DPP10: variants seen among roughly 807,000 people sequenced by gnomAD.
DPP10 encodes the protein dipeptidyl peptidase like 10, also known as inactive dipeptidyl peptidase 10.
In DPP10, 33 loss-of-function variants were observed where a neutral mutation model predicts 120.9. That is an observed-to-expected ratio of 0.27 (90% confidence interval 0.21 to 0.37). DPP10 has a LOEUF of 0.37. Among genes scored for constraint, DPP10 ranks in the 10% least tolerant of loss-of-function variants. DPP10 has a pLI of 1.00. For missense variants in DPP10, 816 were observed against 942.8 expected, an observed-to-expected ratio of 0.87 and a Z score of 1.76; for synonymous variants, 337 against 326.1, an observed-to-expected ratio of 1.03 and a Z score of -0.36.
intron 3 of DPP10, among the ~76,000 whole-genome samples, chr2:115,432,178 C>T (rs2071058115): frequency 6.6e-6 from 1 of 152,008 alleles, no homozygotes; most frequent in African/African-American, 2.4e-5. Flanking sequence ...TAGTCACCTT[C>T]CTTAGAAAAC....
chr2:115,177,221 T>C (rs2053750274), intron 1 of DPP10, among the ~76,000 whole-genome samples: 1 of 152,206 alleles, frequency 6.6e-6, no homozygotes, highest in Admixed American at 6.5e-5. Flanking sequence ...TATGTGTATA[T>C]ATTAATGTAA....
intron 3 of DPP10, among the ~76,000 whole-genome samples, chr2:115,471,106 A>G (rs534444130): frequency 1.4e-4 from 22 of 152,272 alleles, no homozygotes; most frequent in African/African-American, 4.3e-4. Context: ...ACCATGCACA[A>G]TTTCTAAAAT....
intron 5 of DPP10, among the ~76,000 whole-genome samples, chr2:115,541,270 A>G (rs1223539506): frequency 6.6e-6 from 1 of 151,872 alleles, no homozygotes. Flanking sequence ...CTGTTATTGG[A>G]GAGTTAGGTT....
At chr2:115,769,119 A>G (rs1681150377) in intron 13 of DPP10, among the ~76,000 whole-genome samples, 1 of 152,122 alleles carries the variant, frequency 6.6e-6, no homozygotes, top group South Asian at 2.1e-4. Flanking sequence ...GAGCAAGCAT[A>G]CATGAGAAAA....
intron 1 of DPP10, among the ~76,000 whole-genome samples, chr2:114,856,370 T>C (rs1304775417): frequency 1.3e-5 from 2 of 152,340 alleles, no homozygotes; most frequent in Middle Eastern, 3.4e-3. Context: ...ATTAAATATG[T>C]ATTTATCTGT....
intron 8 of DPP10, among the ~76,000 whole-genome samples, chr2:115,730,621 A>G (rs527641704): frequency 1.9e-4 from 29 of 152,332 alleles, no homozygotes; most frequent in African/African-American, 7.0e-4. Flanking sequence ...GGCTTCATAC[A>G]TTTATAAGGA....
At chr2:114,635,792 A>G (rs975815057) in intron 1 of DPP10, among the ~76,000 whole-genome samples, 2 of 152,012 alleles carry the variant, frequency 1.3e-5, no homozygotes, top group Non-Finnish European at 1.5e-5. Context: ...AAGACATTTT[A>G]AAAATATTTT....
At chr2:115,203,297 GGTTGTTGACA>G (rs1425959996) in intron 1 of DPP10, among the ~76,000 whole-genome samples, 1 of 152,116 alleles carries the variant, frequency 6.6e-6, no homozygotes, top group Non-Finnish European at 1.5e-5. Context: ...TTTTTTCCCA[GGTTGTTGACA>G]GTGTGTAATT....
chr2:115,083,028 A>G (rs1708401142), intron 1 of DPP10, among the ~76,000 whole-genome samples: 1 of 152,242 alleles, frequency 6.6e-6, no homozygotes, highest in African/African-American at 2.4e-5. Context: ...AGTATCTGAC[A>G]GTATTGATTA....
chr2:114,692,099 T>A (rs899277090), intron 1 of DPP10, among the ~76,000 whole-genome samples: 1 of 152,096 alleles, frequency 6.6e-6, no homozygotes, highest in Non-Finnish European at 1.5e-5. Context: ...TCTGCTTTGA[T>A]CTTGGTTATT....
chr2:115,205,042 G>T (rs2056023549), intron 1 of DPP10, among the ~76,000 whole-genome samples: 1 of 152,028 alleles, frequency 6.6e-6, no homozygotes, highest in Non-Finnish European at 1.5e-5. Flanking sequence ...TCTGTAACTT[G>T]TCTGTTTACT....
chr2:115,383,727 A>C (rs944437740), intron 3 of DPP10, among the ~76,000 whole-genome samples: 3 of 152,114 alleles, frequency 2.0e-5, no homozygotes, highest in East Asian at 1.9e-4. Flanking sequence ...TATGCATTTA[A>C]ATATATTTAA....
At chr2:114,784,602 T>G (rs1022258216) in intron 1 of DPP10, among the ~76,000 whole-genome samples, 1 of 152,128 alleles carries the variant, frequency 6.6e-6, no homozygotes, top group Non-Finnish European at 1.5e-5. Flanking sequence ...GGTTTCTTTG[T>G]TCCTGAAATT....
chr2:115,376,867 C>T (rs2065842802), intron 3 of DPP10, among the ~76,000 whole-genome samples: 2 of 149,786 alleles, frequency 1.3e-5, no homozygotes, highest in Admixed American at 1.3e-4. Context: ...CATGTCCCTA[C>T]AAAGGACATG....
chr2:114,670,316 G>A (rs553627177), intron 1 of DPP10, among the ~76,000 whole-genome samples: 4 of 152,334 alleles, frequency 2.6e-5, no homozygotes, highest in South Asian at 4.1e-4. Flanking sequence ...TTAAGAAAAT[G>A]TGGTACATAT....
chr2:114,991,558 C>T (rs1219313388), intron 1 of DPP10, among the ~76,000 whole-genome samples: 2 of 152,180 alleles, frequency 1.3e-5, no homozygotes, highest in Admixed American at 1.3e-4. Flanking sequence ...CATATTAATT[C>T]TACTTTACTC....
At chr2:114,522,174 C>A (rs527875891) in intron 1 of DPP10, among the ~76,000 whole-genome samples, 247 of 150,872 alleles carry the variant, frequency 1.6e-3, no homozygotes, top group Admixed American at 4.2e-3. Context: ...TTAGTAGAGA[C>A]GGGGTTTCAC....
chr2:115,364,024 AGGT>A, intron 3 of DPP10, among the ~76,000 whole-genome samples: 1 of 8,138 alleles, frequency 1.2e-4, no homozygotes, highest in Non-Finnish European at 3.8e-4. Context: ...TCATTAAATA[AGGT>A]AGCAAAGGTG....
intron 1 of DPP10, among the ~76,000 whole-genome samples, chr2:114,978,972 G>A (rs1048576193): frequency 6.6e-6 from 1 of 151,992 alleles, no homozygotes; most frequent in African/African-American, 2.4e-5. Flanking sequence ...CACAAATTAG[G>A]ACATTTTGTC....
Sources: allele counts gnomAD v4.1 joint callset (sites outside exome capture counted in the v4.1 genomes callset), GRCh38; gene constraint gnomAD v4.1.1; transcripts MANE v1.5; gene names NCBI Gene and HGNC (gene_info 2026-07-23, HGNC 2026-07-21).